The following TMX3 variants were observed in gnomAD, a reference collection of about 807,000 sequenced individuals.
TMX3 encodes thioredoxin related transmembrane protein 3.
Under a neutral mutation model 64.4 loss-of-function variants are expected in TMX3, and 40 were observed. That is an observed-to-expected ratio of 0.62 (90% CI 0.48 to 0.81). The LOEUF (loss-of-function observed/expected upper bound fraction) is 0.81, where lower values mean the gene tolerates loss of function less well. Ranked by LOEUF, TMX3 falls within the 30% of genes least tolerant of loss-of-function variation. The pLI is 0.00. For synonymous variants in TMX3, 189 were observed against 175.7 expected (o/e 1.08, Z -0.60); for missense variants, 497 against 534.5 (o/e 0.93, Z 0.69).
intron 15 of TMX3, among the ~76,000 whole-genome samples, chr18:68,678,770 C>T (rs1157434113): frequency 6.6e-6 from 1 of 152,004 alleles, no homozygotes; most frequent in Non-Finnish European, 1.5e-5. Context: ...CATGTCAATT[C>T]GTCTACCACT....
chr18:68,677,562 T>C (rs990900839), intron 15 of TMX3, among the ~76,000 whole-genome samples: 28 of 152,142 alleles, frequency 1.8e-4, no homozygotes, highest in African/African-American at 6.8e-4. Flanking sequence ...AATCTGCTTA[T>C]GGAGAAGGCT....
In TMX3 at chr18:68,687,918, A is replaced by C. The variant is rs1599307068; in HGVS notation, c.638-153T>G. The C allele has an allele frequency of 1.2e-5, 6 of 485,026 alleles. No individual in the cohort carries two copies. The East Asian group carries it at 1.7e-4, about 14-fold the overall frequency. The allele number at this position is 485,026 out of a possible 1,614,324, so 30.0% of individuals were successfully genotyped here. Reference sequence around the variant, plus strand: ...GAATTTATTGCAAGCATACAATCAAATGTACAGAAGGATTAATGCACAAAG... The same window carrying C: ...GAATTTATTGCAAGCATACAATCAACTGTACAGAAGGATTAATGCACAAAG... On this transcript the variant is annotated intron_variant, in intron 9 of 15. Coordinates refer to ENST00000299608, the MANE Select transcript of TMX3 (RefSeq NM_019022.5).
intron 8 of TMX3, among the ~76,000 whole-genome samples, chr18:68,696,468 G>A (rs553027296): frequency 5.3e-5 from 8 of 151,202 alleles, no homozygotes; most frequent in Admixed American, 1.3e-4. Flanking sequence ...CACTGGGCCC[G>A]GCCTTAATTA....
intron 9 of TMX3, 78 bp from the exon 10 acceptor site, chr18:68,687,843 G>C (rs1430997670): frequency 9.8e-7 from 1 of 1,016,144 alleles, no homozygotes; most frequent in Non-Finnish European, 1.4e-6. Flanking sequence ...TCTGATAATA[G>C]GTATAAAACG....
At chr18:68,708,296 T>A (rs2030930009) in intron 4 of TMX3, among the ~76,000 whole-genome samples, 1 of 152,130 alleles carries the variant, frequency 6.6e-6, no homozygotes, top group Admixed American at 6.5e-5. Context: ...AGCACTAATA[T>A]CTCACCTACA....
At chr18:68,685,057 T>G (rs1375232148) in intron 10 of TMX3, among the ~76,000 whole-genome samples, 1 of 152,192 alleles carries the variant, frequency 6.6e-6, no homozygotes, top group Non-Finnish European at 1.5e-5. Context: ...TGATATCTTC[T>G]AGGAAGCTGG....
In TMX3 at chr18:68,676,945, C is replaced by G; in HGVS notation, c.1353G>C (p.Lys451Asn). 1.2e-6 allele frequency: 2 copies of G among 1,611,682 alleles called. No homozygotes were observed. Among genetic ancestry groups the G allele is most frequent in the South Asian group, 1.1e-5 (1 of 90,492 alleles). The change falls in exon 16 of 16, where the codon AAG becomes AAC. Residue 451 changes from lysine to asparagine, a missense_variant. Physicochemically the swap from Lys to Asn is moderately conservative, Grantham distance 94. Transcript: ENST00000299608. ...TVQEPKDVLEKKKD is the reference protein window; with the variant it reads ...TVQEPKDVLENKKD ...TAGTCATCAAGTCTCAATCTTTCTT[C>G]TTTTCTAATACATCCTTGGGCTCCT... is the stretch of plus-strand genomic sequence containing the variant.
chr18:68,696,144 T>C (rs1029559421), intron 8 of TMX3, among the ~76,000 whole-genome samples: 1 of 152,170 alleles, frequency 6.6e-6, no homozygotes, highest in African/African-American at 2.4e-5. Context: ...CCCCAACTAT[T>C]ACACAGTTTT....
At chr18:68,683,046 A>C in intron 12 of TMX3, 65 bp from the exon 13 acceptor site, 3 of 1,356,764 alleles carry the variant, frequency 2.2e-6, no homozygotes, top group Non-Finnish European at 3.1e-6. Flanking sequence ...GAGAGAGAGA[A>C]AGCTCATTAA....
intron 8 of TMX3, among the ~76,000 whole-genome samples, chr18:68,691,634 C>T (rs976179754): frequency 1.3e-5 from 2 of 152,174 alleles, no homozygotes; most frequent in South Asian, 4.1e-4. Flanking sequence ...ATCAACCAGC[C>T]TATTCAGGTT....
At chr18:68,680,268 A>G (rs1053535337) in intron 14 of TMX3, among the ~76,000 whole-genome samples, 20 of 152,168 alleles carry the variant, frequency 1.3e-4, no homozygotes, top group Admixed American at 1.0e-3. Flanking sequence ...ACATTTCACA[A>G]AAGCAATGAA....
At chr18:68,713,129 G>C (rs2031455490) in intron 2 of TMX3, among the ~76,000 whole-genome samples, 2 of 152,008 alleles carry the variant, frequency 1.3e-5, no homozygotes, top group Admixed American at 1.3e-4. Context: ...CTACAGCACT[G>C]AACAAAAGTC....
chr18:68,713,286 CT>C (rs1415333271), intron 2 of TMX3, among the ~76,000 whole-genome samples: 2 of 152,202 alleles, frequency 1.3e-5, no homozygotes, highest in Non-Finnish European at 2.9e-5. Context: ...ACAGAGACCA[CT>C]GGGTTGGGAG....
intron 8 of TMX3, among the ~76,000 whole-genome samples, chr18:68,693,600 C>T (rs1914752990): frequency 6.6e-6 from 1 of 152,106 alleles, no homozygotes; most frequent in African/African-American, 2.4e-5. Context: ...GTGCCAGCTC[C>T]CAACAGTGCC....
At chr18:68,680,888 A>T (rs568962736) in intron 14 of TMX3, 93 bp downstream of exon 14, 5 of 1,298,616 alleles carry the variant, frequency 3.9e-6, no homozygotes, top group Non-Finnish European at 5.1e-6. Context: ...GTGATGGCCA[A>T]CTATTCTTTT....
chr18:68,698,116 C>G, intron 6 of TMX3, 85 bp from the exon 7 acceptor site: 2 of 848,196 alleles, frequency 2.4e-6, no homozygotes, highest in South Asian at 1.6e-5. Flanking sequence ...AATCATGTCT[C>G]AAGTTATTAA....
At chr18:68,683,853 A>G (rs1913682867) in intron 12 of TMX3, among the ~76,000 whole-genome samples, 1 of 152,190 alleles carries the variant, frequency 6.6e-6, no homozygotes, top group African/African-American at 2.4e-5. Flanking sequence ...AAACATATAC[A>G]TAATTTTTAC....
At chr18:68,697,535 C>A in intron 7 of TMX3, 1 of 373,270 alleles carries the variant, frequency 2.7e-6, no homozygotes. Context: ...TTAAATATAA[C>A]ACAAGTTCAA....
At chr18:68,680,901 G>A (rs1227405015) in intron 14 of TMX3, 80 bp downstream of exon 14, 2 of 1,355,786 alleles carry the variant, frequency 1.5e-6, no homozygotes, top group Non-Finnish European at 1.9e-6. Flanking sequence ...ATTCTTTTCA[G>A]AATCACAAGT....
Sources: gnomAD v4.1 joint callset for allele counts (sites outside exome capture counted in the v4.1 genomes callset) on GRCh38, gnomAD v4.1.1 for gene constraint, MANE v1.5 for transcripts, NCBI Gene and HGNC (gene_info 2026-07-23, HGNC 2026-07-21) for gene names.